Variants in DMD observed in about 807,000 individuals in gnomAD.
DMD encodes mutant dystrophin.
Under a neutral mutation model 330.1 loss-of-function variants are expected in DMD, and 63 were observed. The observed-to-expected ratio is 0.19, with a 90% CI of 0.16 to 0.24. DMD has a LOEUF of 0.24. Among genes scored for constraint, DMD ranks in the 10% least tolerant of loss-of-function variants. The pLI, the probability that DMD is intolerant of heterozygous loss-of-function variation, is 1.00. For missense variants in DMD, 3,344 were observed against 2,684.1 expected (o/e 1.25, Z -5.43); for synonymous variants, 1,223 against 959.8 (o/e 1.27, Z -5.07).
At chrX:32,850,851 A>C (rs1289152659) in intron 2 of DMD, among the ~76,000 whole-genome samples, 1 of 111,898 alleles carries the variant, frequency 8.9e-6, no homozygotes, top group African/African-American at 3.2e-5. Context: ...AGCATGAATA[A>C]ACCTGAGCTA....
chrX:31,258,921 G>A (rs1267740662), intron 63 of DMD, among the ~76,000 whole-genome samples: 1 of 103,331 alleles, frequency 9.7e-6, no homozygotes, highest in Non-Finnish European at 2.0e-5. Flanking sequence ...ATGGAAATAT[G>A]GCCATGGTAA....
intron 47 of DMD, among the ~76,000 whole-genome samples, chrX:31,927,292 T>C (rs1450965473): frequency 8.9e-6 from 1 of 112,334 alleles, no homozygotes; most frequent in African/African-American, 3.2e-5. Context: ...GTTCGTAACC[T>C]CAGTTTTAAT....
chrX:32,207,369 G>T (rs916135625), intron 44 of DMD, among the ~76,000 whole-genome samples: 1 of 111,075 alleles, frequency 9.0e-6, no homozygotes, highest in Admixed American at 9.6e-5. Context: ...GTAGGCCCTC[G>T]CCAGAGGCTG....
chrX:31,783,057 C>G (rs762254583), intron 50 of DMD, among the ~76,000 whole-genome samples: 78 of 111,649 alleles, frequency 7.0e-4, no homozygotes, highest in African/African-American at 2.3e-3. Flanking sequence ...AAAGACCACG[C>G]TATTGATGAA....
intron 37 of DMD, among the ~76,000 whole-genome samples, chrX:32,355,674 A>G (rs960429882): frequency 6.6e-4 from 74 of 111,518 alleles, no homozygotes; most frequent in African/African-American, 2.4e-3. Context: ...ATAAGCTAAC[A>G]TAAGAATTAT....
At chrX:31,844,323 G>A (rs1008463517) in intron 48 of DMD, among the ~76,000 whole-genome samples, 2 of 89,458 alleles carry the variant, frequency 2.2e-5, no homozygotes, top group African/African-American at 8.2e-5. Flanking sequence ...TGTTTACTTT[G>A]TTAAAGATCA....
chrX:31,589,897 T>A (rs1016077355), intron 55 of DMD, among the ~76,000 whole-genome samples: 1 of 111,315 alleles, frequency 9.0e-6, no homozygotes, highest in Non-Finnish European at 1.9e-5. Flanking sequence ...ACCTCATAAA[T>A]TTATATAAAT....
chrX:32,883,823 C>CCAAAAAAAAAAAAA (rs1169678184), intron 2 of DMD, among the ~76,000 whole-genome samples: 7 of 30,339 alleles, frequency 2.3e-4, no homozygotes, highest in African/African-American at 1.0e-3. Context: ...GACTCTGTTT[C>CCAAAAAAAAAAAAA]AAAAAAAAAA....
At chrX:32,351,110 A>G (rs1236832391) in intron 37 of DMD, among the ~76,000 whole-genome samples, 2 of 110,639 alleles carry the variant, frequency 1.8e-5, no homozygotes, top group Non-Finnish European at 3.8e-5. Context: ...GGTGTCTGGT[A>G]TATAATAAAA....
upstream of DMD, among the ~76,000 whole-genome samples, chrX:33,213,235 TC>T (rs2051984240): frequency 9.0e-6 from 1 of 111,574 alleles, no homozygotes. Context: ...CAAAGATGTG[TC>T]CTGGGTAATG....
chrX:31,615,593 G>T (rs67371443), intron 55 of DMD, among the ~76,000 whole-genome samples: 7,849 of 111,343 alleles, frequency 0.07, 324 homozygotes, highest in Admixed American at 0.17. Context: ...AGGGTATTCA[G>T]CCTTGTTTAT....
At chrX:32,076,052 C>CAAAAAAAAAAA (rs59686294) in intron 44 of DMD, among the ~76,000 whole-genome samples, 1 of 18,758 alleles carries the variant, frequency 5.3e-5, no homozygotes, top group Non-Finnish European at 9.8e-5. Flanking sequence ...GACTCTGTCT[C>CAAAAAAAAAAA]AAAAAAAAAA....
At chrX:31,138,669 GAGAGA>G (rs2035613622) in intron 76 of DMD, among the ~76,000 whole-genome samples, 4 of 52,220 alleles carry the variant, frequency 7.7e-5, no homozygotes, top group African/African-American at 2.2e-4. Context: ...GAGAGAGAGA[GAGAGA>G]GAGAGAGAGA....
intron 9 of DMD, among the ~76,000 whole-genome samples, chrX:32,652,810 C>T (rs889972455): frequency 2.7e-4 from 30 of 111,826 alleles, no homozygotes; most frequent in Non-Finnish European, 3.9e-4. Flanking sequence ...TTCTCCACAT[C>T]CTCTCCAGCA....
At chrX:33,176,433 AAAC>A (rs1239934825) in intron 1 of DMD, among the ~76,000 whole-genome samples, 1 of 110,968 alleles carries the variant, frequency 9.0e-6, no homozygotes, top group African/African-American at 3.3e-5. Flanking sequence ...AAAAAAAAAA[AAAC>A]CAGGTATACG....
At chrX:31,988,787 G>GTCTC (rs754549321) in intron 44 of DMD, among the ~76,000 whole-genome samples, 6 of 106,729 alleles carry the variant, frequency 5.6e-5, no homozygotes, top group East Asian at 3.0e-4. Context: ...TTCTCTCTCT[G>GTCTC]TCTCTCTCTC....
At chrX:31,953,883 A>G (rs2095215258) in intron 45 of DMD, among the ~76,000 whole-genome samples, 2 of 111,916 alleles carry the variant, frequency 1.8e-5, no homozygotes, top group African/African-American at 6.5e-5. Context: ...GGTAATAAAC[A>G]CAGGTGGGAA....
intron 11 of DMD, among the ~76,000 whole-genome samples, chrX:32,635,480 C>T (rs886442): frequency 9.9e-5 from 11 of 111,119 alleles, no homozygotes; most frequent in Non-Finnish European, 1.7e-4. Flanking sequence ...TATATGGTGA[C>T]CATATAAAAT....
In DMD at chrX:32,024,004, G is replaced by T. The variant is rs966516925; in HGVS notation, c.6439-55490C>A. On this transcript the variant is annotated intron_variant, in intron 44 of 78. Coordinates refer to ENST00000357033, the MANE Select transcript of DMD (RefSeq NM_004006.3). Reference sequence around the variant, plus strand: ...GGTTACCATGCTCGCTACCTGGGTGGTGGGATCATTCATATAGCAAACCTC... The same window carrying T: ...GGTTACCATGCTCGCTACCTGGGTGTTGGGATCATTCATATAGCAAACCTC... Among the ~76,000 whole-genome samples, 3 of 111,396 alleles carry T rather than the reference G, an allele frequency of 2.7e-5. No homozygotes were observed. In the Admixed American group the frequency reaches 2.9e-4, roughly 11 times the overall value.
Sources: gnomAD v4.1 joint callset for allele counts (sites outside exome capture counted in the v4.1 genomes callset) on GRCh38, gnomAD v4.1.1 for gene constraint, MANE v1.5 for transcripts, NCBI Gene and HGNC (gene_info 2026-07-23, HGNC 2026-07-21) for gene names.